The following ATP6V0A2 variants were observed in gnomAD, a reference collection of about 807,000 sequenced individuals.
ATP6V0A2 encodes the protein V-type proton ATPase 116 kDa subunit a 2.
In ATP6V0A2, 58 loss-of-function variants were observed where a neutral mutation model predicts 104.4. The observed-to-expected ratio is 0.56, with a 90% CI of 0.45 to 0.69. ATP6V0A2 has a LOEUF of 0.69. Ranked by LOEUF, ATP6V0A2 falls within the 30% of genes least tolerant of loss-of-function variation. ATP6V0A2 has a pLI of 0.00. For synonymous variants in ATP6V0A2, 376 were observed against 397.9 expected (o/e 0.95, Z 0.65); for missense variants, 938 against 1,062.9 (o/e 0.88, Z 1.63).
At chr12:123,724,951 T>C (rs565763236) in intron 4 of ATP6V0A2, among the ~76,000 whole-genome samples, 160 bp downstream of exon 4, 1 of 152,352 alleles carries the variant, frequency 6.6e-6, no homozygotes, top group East Asian at 1.9e-4. Context: ...TATTTTGTTT[T>C]TGAGACGGAA....
chr12:123,740,407 CATA>C (rs1456397089), intron 9 of ATP6V0A2, among the ~76,000 whole-genome samples: 1 of 152,006 alleles, frequency 6.6e-6, no homozygotes, highest in African/African-American at 2.4e-5. Flanking sequence ...GATGGGGTTT[CATA>C]ATGTTGGCCA....
At chr12:123,728,292 G>A (rs1956466750) in intron 6 of ATP6V0A2, among the ~76,000 whole-genome samples, 1 of 151,370 alleles carries the variant, frequency 6.6e-6, no homozygotes. Flanking sequence ...TTGCTGTGTT[G>A]CCCAGGCTGG....
chr12:123,754,619 T>C, intron 18 of ATP6V0A2, 82 bp downstream of exon 18: 1 of 987,012 alleles, frequency 1.0e-6, no homozygotes, highest in South Asian at 1.3e-5. Context: ...ATTTTAACTT[T>C]GTAACTAATA....
Position 123,758,209 on chromosome 12 carries a change from A to G in ATP6V0A2, c.*177A>G. The G allele has an allele frequency of 2.1e-6, 1 of 476,478 alleles. No homozygotes were observed. The highest frequency in any genetic ancestry group is 3.8e-5 in the Admixed American group (1 of 26,118). 29.5% of individuals were successfully genotyped at this position (476,478 alleles called of 1,614,324 possible). A position where few individuals can be genotyped will look rare whatever the true frequency, so the allele number is the denominator to read the frequency against. ...ATATGTTAAATATTTTGTAAAGTTT[A>G]CCAATTTGAGATATAAAAATTTCTT... On this transcript the variant is annotated 3_prime_UTR_variant, in exon 20 of 20. Coordinates refer to ENST00000330342, the MANE Select transcript of ATP6V0A2 (RefSeq NM_012463.4).
In ATP6V0A2 at chr12:123,756,810, T is replaced by C. The variant is rs926801216; in HGVS notation, c.2294-5T>C. On this transcript the variant is annotated splice_polypyrimidine_tract_variant and splice_region_variant and intron_variant, in intron 18 of 19. Transcript: ENST00000330342. ...ATGACCTGTGCAGGCTGCACTCCTT[T>C]GCAGAGTTGTCTGATGTCCTGTGGG... 3.1e-6 allele frequency: 5 copies of C among 1,613,570 alleles called. No homozygotes were observed. The highest frequency in any genetic ancestry group is 3.4e-6 in the Non-Finnish European group (4 of 1,180,040).
chr12:123,752,522 C>G lies in ATP6V0A2; in HGVS notation c.2175+120C>G, dbSNP rs938783955. 121 of 1,220,080 alleles carry G rather than the reference C, an allele frequency of 9.9e-5. No homozygotes were observed. In the African/African-American group the frequency reaches 1.5e-3, roughly 15 times the overall value. 75.6% of individuals were successfully genotyped at this position (1,220,080 alleles called of 1,614,324 possible). A position where few individuals can be genotyped will look rare whatever the true frequency, so the allele number is the denominator to read the frequency against. The stretch of plus-strand genomic sequence containing the variant: ...ATGGTTAAGAAAATGGGACTTCCAG[C>G]CTCCACAACTATGAGAAACCAGCGC... On this transcript the variant is annotated intron_variant, in intron 17 of 19. Transcript: ENST00000330342.
chr12:123,755,675 CT>C (rs746133867), intron 18 of ATP6V0A2, among the ~76,000 whole-genome samples: 352 of 143,458 alleles, frequency 2.5e-3, no homozygotes, highest in Admixed American at 4.8e-3. Flanking sequence ...CCCTAATAAA[CT>C]TTTTTTTTTT....
In ATP6V0A2 at chr12:123,751,858, C is replaced by CTT. The variant is rs1312141865; in HGVS notation, c.2056-423_2056-422dup. 2.2e-3 allele frequency among the ~76,000 whole-genome samples: 240 copies of CTT among 107,982 alleles called. 1 individual carries two copies. Among genetic ancestry groups the CTT allele is most frequent in the Non-Finnish European group, 3.9e-3 (195 of 49,568 alleles). 70.8% of individuals were successfully genotyped at this position (107,982 alleles called of 152,430 possible). ...CTTTTTTCTTTTCTTTTCTTTCTTTCTTTCTTTTTTTTTTTTTTTGAGACT... is the reference window on the plus strand; with the variant it reads ...CTTTTTTCTTTTCTTTTCTTTCTTTCTTTTTCTTTTTTTTTTTTTTTGAGACT... On this transcript the variant is annotated intron_variant, in intron 16 of 19. Transcript: ENST00000330342.
Position 123,737,082 on chromosome 12 carries a change from T to C in ATP6V0A2, c.849T>C (p.Tyr283=), listed in dbSNP as rs774286123. 78 of 1,614,078 alleles carry C rather than the reference T, an allele frequency of 4.8e-5. No individual in the cohort carries two copies. The highest frequency in any genetic ancestry group is 4.2e-5 in the Non-Finnish European group (50 of 1,180,040). ...AGGTACTGCACAAAACCGAGGACTA[T>C]TTGAGGCAAGTGCTATGTAAAGCCG... ...LYTVLHKTED[Y]LRQVLCKAAE... The change falls in exon 9 of 20, where the codon TAT becomes TAC. Residue 283 remains tyrosine (Y), a synonymous_variant. Transcript: ENST00000330342.
rs1488385854 is a variant in ATP6V0A2 at position 123,754,459 on chromosome 12, T to G, written c.2215T>G (p.Ser739Ala). ...AATATTAATGACCCAAGTAATCCATTCCATCGAGTACTGTCTGGGATGCAT... is the reference window on the plus strand; with the variant it reads ...AATATTAATGACCCAAGTAATCCATGCCATCGAGTACTGTCTGGGATGCAT... The part of the protein sequence containing the change: ...GEILMTQVIH[S>A]IEYCLGCISN... The change falls in exon 18 of 20, where the codon TCC (serine) becomes GCC (alanine). Residue 739 changes from serine to alanine, a missense_variant. By Grantham distance (99) the Ser-to-Ala change is moderately conservative. Coordinates refer to ENST00000330342, the MANE Select transcript of ATP6V0A2 (RefSeq NM_012463.4). The G allele has an allele frequency of 6.2e-7, 1 of 1,613,966 alleles. No individual in the cohort carries two copies. Among genetic ancestry groups the G allele is most frequent in the African/African-American group, 1.3e-5 (1 of 75,036 alleles).
Position 123,712,410 on chromosome 12 carries a change from G to A in ATP6V0A2, c.-156G>A, listed in dbSNP as rs1223854778. ...AGCGGCGGCCGCGGTGGCAGAACCG[G>A]GGGCGGCCGCTGCAGTCTGGAGCCC... is the stretch of plus-strand genomic sequence containing the variant. On this transcript the variant is annotated 5_prime_UTR_variant, in exon 1 of 20. Transcript: ENST00000330342. 1 of 394,164 alleles carries A rather than the reference G, an allele frequency of 2.5e-6. No homozygotes were observed. The highest frequency in any genetic ancestry group is 4.4e-6 in the Non-Finnish European group (1 of 229,036). The allele number at this position is 394,164 out of a possible 1,614,324, so 24.4% of individuals were successfully genotyped here.
rs1158876903 is a variant in ATP6V0A2, at chr12:123,737,087, G to C, written c.854G>C (p.Arg285Thr). 1 of 1,614,212 alleles carries C rather than the reference G, an allele frequency of 6.2e-7. No homozygotes were observed. Among genetic ancestry groups the C allele is most frequent in the Non-Finnish European group, 8.5e-7 (1 of 1,180,040 alleles). The change falls in exon 9 of 20, where the codon AGG becomes ACG. Residue 285 changes from arginine to threonine, a missense_variant. By Grantham distance (71) the Arg-to-Thr change is moderately conservative. Coordinates refer to ENST00000330342, the MANE Select transcript of ATP6V0A2 (RefSeq NM_012463.4). The stretch of plus-strand genomic sequence containing the variant: ...CTGCACAAAACCGAGGACTATTTGA[G>C]GCAAGTGCTATGTAAAGCCGCCGAG... ...TVLHKTEDYL[R>T]QVLCKAAESV...
chr12:123,743,587 A>C (rs1315066987), intron 9 of ATP6V0A2, among the ~76,000 whole-genome samples, 198 bp from the exon 10 acceptor site: 1 of 151,840 alleles, frequency 6.6e-6, no homozygotes, highest in Non-Finnish European at 1.5e-5. Context: ...TGGGAGGCAG[A>C]GGTTGCGGTG....
At chr12:123,741,124 A>G (rs1276774447) in intron 9 of ATP6V0A2, among the ~76,000 whole-genome samples, 1 of 151,882 alleles carries the variant, frequency 6.6e-6, no homozygotes, top group Non-Finnish European at 1.5e-5. Flanking sequence ...CCTCTTGCTC[A>G]CTTTTAAATG....
At position 123,758,138 on chromosome 12, in the gene ATP6V0A2, G is replaced by T; in HGVS notation, c.*106G>T. On this transcript the variant is annotated 3_prime_UTR_variant, in exon 20 of 20. Coordinates refer to ENST00000330342, the MANE Select transcript of ATP6V0A2 (RefSeq NM_012463.4). ...TAGGAAAAATTCCATCTTCATTACT[G>T]CCTTATGACATAGCCAAATAATTCT... The T allele has an allele frequency of 1.3e-6, 1 of 768,206 alleles. No individual in the cohort carries two copies. 47.6% of individuals were successfully genotyped at this position (768,206 alleles called of 1,614,324 possible). A position where few individuals can be genotyped will look rare whatever the true frequency, so the allele number is the denominator to read the frequency against.
intron 17 of ATP6V0A2, chr12:123,754,099 C>G (rs1239903134): frequency 2.2e-6 from 1 of 463,346 alleles, no homozygotes; most frequent in Admixed American, 3.7e-5. Flanking sequence ...GCCCCAGAAT[C>G]CCATTAGTAT....
intron 1 of ATP6V0A2, among the ~76,000 whole-genome samples, chr12:123,718,212 T>G (rs1956363105): frequency 6.6e-6 from 1 of 151,976 alleles, no homozygotes; most frequent in Non-Finnish European, 1.5e-5. Context: ...CACCTCAGCC[T>G]CCCGAGTAGC....
chr12:123,744,660 A>G lies in ATP6V0A2; in HGVS notation c.1390A>G (p.Thr464Ala), dbSNP rs1956642501. 1 of 1,613,888 alleles carries G rather than the reference A, an allele frequency of 6.2e-7. No individual in the cohort carries two copies. The highest frequency in any genetic ancestry group is 1.3e-5 in the African/African-American group (1 of 74,992). ...GCTGATGGGGCTGTTCTCAGTGTAC[A>G]CTGGCCTCATCTACAACGACTGCTT... ...LLLMGLFSVY[T>A]GLIYNDCFSK... The change falls in exon 12 of 20, where the codon ACT becomes GCT. Residue 464 changes from threonine (T) to alanine (A), a missense_variant. Thr to Ala is a moderately conservative substitution (Grantham distance 58). Coordinates refer to ENST00000330342, the MANE Select transcript of ATP6V0A2 (RefSeq NM_012463.4). This position sits in a 1 kb window ranked among gnomAD's most constrained non-coding sequence, Gnocchi z 5.4.
At position 123,752,365 on chromosome 12, in the gene ATP6V0A2, A is replaced by G. The variant is rs1199395583; in HGVS notation, c.2138A>G (p.Gln713Arg). Reference sequence around the variant, plus strand: ...CAAGATATAGAAGAGGGAAATCACCAGGTGGAAGATGGATGTAGAGAAATG... The same window carrying G: ...CAAGATATAGAAGAGGGAAATCACCGGGTGGAAGATGGATGTAGAGAAATG... Reference protein sequence around the residue: ...GSQDIEEGNHQVEDGCREMAC... With the variant: ...GSQDIEEGNHRVEDGCREMAC... The change falls in exon 17 of 20, where the codon CAG (glutamine) becomes CGG (arginine). Residue 713 changes from glutamine (Q) to arginine (R), a missense_variant. By Grantham distance (43) the Gln-to-Arg change is conservative (BLOSUM62 1). Coordinates refer to ENST00000330342, the MANE Select transcript of ATP6V0A2 (RefSeq NM_012463.4). 6.2e-7 allele frequency: 1 copy of G among 1,614,188 alleles called. No individual in the cohort carries two copies. The highest frequency in any genetic ancestry group is 8.5e-7 in the Non-Finnish European group (1 of 1,180,014).
Sources: allele counts gnomAD v4.1 joint callset (sites outside exome capture counted in the v4.1 genomes callset), GRCh38; gene constraint gnomAD v4.1.1; non-coding constraint Gnocchi (gnomAD v3.1); transcripts MANE v1.5; gene names NCBI Gene and HGNC (gene_info 2026-07-23, HGNC 2026-07-21).